Variants in ICA1L observed in about 807,000 individuals in gnomAD.
ICA1L encodes islet cell autoantigen 1 like, also known as islet cell autoantigen 1-like protein.
Under a neutral mutation model 61.3 loss-of-function variants are expected in ICA1L, and 50 were observed. The observed-to-expected ratio is 0.82, with a 90% CI of 0.65 to 1.03. The LOEUF is 1.03. ICA1L is among the 50% of genes least tolerant of loss of function. The pLI, the probability that ICA1L is intolerant of heterozygous loss-of-function variation, is 0.00. For missense variants in ICA1L, 508 were observed against 556.7 expected, an observed-to-expected ratio of 0.91 and a Z score of 0.88; for synonymous variants, 161 against 191.3, an observed-to-expected ratio of 0.84 and a Z score of 1.31.
At chr2:202,846,073 C>T (rs1039930449) in intron 1 of ICA1L, among the ~76,000 whole-genome samples, 2 of 152,060 alleles carry the variant, frequency 1.3e-5, no homozygotes, top group Admixed American at 6.6e-5. Context: ...TCAAAAATGT[C>T]GGCAATGGTT....
chr2:202,790,400 CTAT>C (rs139738276), intron 10 of ICA1L, among the ~76,000 whole-genome samples: 13,554 of 152,158 alleles, frequency 0.089, 730 homozygotes, highest in Non-Finnish European at 0.12. Flanking sequence ...AGAAAATCTA[CTAT>C]AATTTAGGAA....
intron 1 of ICA1L, chr2:202,840,579 A>G (rs925844227): frequency 1.1e-5 from 6 of 562,916 alleles, no homozygotes; most frequent in East Asian, 4.5e-5. Context: ...CCAGACTCCA[A>G]CTGGCTCTCC....
In ICA1L at chr2:202,841,490, G is replaced by C; in HGVS notation, c.-7-12474C>G. ...ATGGAGGAGGCAAATTTGTTGTTGA[G>C]GGTCCTTCTCCTGGGTGCACACGGC... On this transcript the variant is annotated intron_variant, in intron 1 of 12. Transcript: ENST00000358299. 3.8e-6 allele frequency: 3 copies of C among 782,756 alleles called. No homozygotes were observed. The African/African-American group carries it at 5.1e-5, about 13-fold the overall frequency. The allele number at this position is 782,756 out of a possible 1,614,324, so 48.5% of individuals were successfully genotyped here. A position where few individuals can be genotyped will look rare whatever the true frequency, so the allele number is the denominator to read the frequency against.
At position 202,777,513 on chromosome 2, in the gene ICA1L, G is replaced by A. The variant is rs1574315893; in HGVS notation, c.*2020C>T. 6.6e-6 allele frequency: 1 copy of A among 152,268 alleles called. No homozygotes were observed. Among genetic ancestry groups the A allele is most frequent in the South Asian group, 2.1e-4 (1 of 4,824 alleles). The allele number at this position is 152,268 out of a possible 1,614,324, so 9.4% of individuals were successfully genotyped here. ...GGAAATTTCACTGAGTATAAAGGAA[G>A]ACTTAAGTCTTCTGAAGAGATAAGT... On this transcript the variant is annotated 3_prime_UTR_variant, in exon 13 of 13. Transcript: ENST00000358299.
chr2:202,799,643 G>A (rs1238226415), intron 9 of ICA1L, among the ~76,000 whole-genome samples: 6 of 151,924 alleles, frequency 3.9e-5, no homozygotes, highest in East Asian at 1.9e-4. Context: ...TCTATTTTTG[G>A]TTTTGTTCTC....
chr2:202,776,385 T>A lies in ICA1L; in HGVS notation c.*3148A>T, dbSNP rs1167792063. 1 of 151,766 alleles carries A rather than the reference T, an allele frequency of 6.6e-6. No homozygotes were observed. Among genetic ancestry groups the A allele is most frequent in the Non-Finnish European group, 1.5e-5 (1 of 68,022 alleles). 9.4% of individuals were successfully genotyped at this position (151,766 alleles called of 1,614,324 possible). On this transcript the variant is annotated 3_prime_UTR_variant, in exon 13 of 13. Coordinates refer to ENST00000358299, the MANE Select transcript of ICA1L (RefSeq NM_001288622.3). Reference sequence around the variant, plus strand: ...TATAGATATTTCTCCCCATTTAACATAAAAAATATCTATTTTGAGGGTTGT... The same window carrying A: ...TATAGATATTTCTCCCCATTTAACAAAAAAAATATCTATTTTGAGGGTTGT...
chr2:202,822,817 C>T (rs1030961587), intron 3 of ICA1L, among the ~76,000 whole-genome samples: 1 of 152,174 alleles, frequency 6.6e-6, no homozygotes, highest in Non-Finnish European at 1.5e-5. Context: ...GCCATGCCTA[C>T]AAGGGTGACC....
intron 3 of ICA1L, chr2:202,825,481 A>T (rs1693817045): frequency 1.6e-6 from 2 of 1,276,872 alleles, no homozygotes; most frequent in Admixed American, 3.7e-5. Flanking sequence ...AAGAAAAAAA[A>T]TATCAGCAAA....
At chr2:202,780,758 C>T (rs1559124418) in intron 12 of ICA1L, among the ~76,000 whole-genome samples, 1 of 152,104 alleles carries the variant, frequency 6.6e-6, no homozygotes. Flanking sequence ...TCTGTGTGTC[C>T]AGTTCTGTTT....
In ICA1L at chr2:202,818,565, G is replaced by A. The variant is rs558959438; in HGVS notation, c.559-1022C>T. On this transcript the variant is annotated intron_variant, in intron 5 of 12. Coordinates refer to ENST00000358299, the MANE Select transcript of ICA1L (RefSeq NM_001288622.3). ...CAAATCTCATCTTGAATTCCCACATGTTATGGGAGGGACCCAGTGAGAGAT... is the reference window on the plus strand; with the variant it reads ...CAAATCTCATCTTGAATTCCCACATATTATGGGAGGGACCCAGTGAGAGAT... Among the ~76,000 whole-genome samples the A allele has an allele frequency of 3.9e-5, 6 of 152,214 alleles. No homozygotes were observed. In the East Asian group the frequency reaches 9.7e-4, roughly 24 times the overall value.
chr2:202,866,998 A>G (rs1687536283), intron 1 of ICA1L, among the ~76,000 whole-genome samples: 1 of 152,214 alleles, frequency 6.6e-6, no homozygotes, highest in South Asian at 2.1e-4. Flanking sequence ...CTTGGGGCAG[A>G]CAATGATTTC....
At chr2:202,821,319 T>C (rs372908494) in intron 4 of ICA1L, 39 bp downstream of exon 4, 18 of 1,596,354 alleles carry the variant, frequency 1.1e-5, no homozygotes, top group African/African-American at 9.4e-5. Flanking sequence ...AACTGTCAGA[T>C]TGACTACAGA....
intron 6 of ICA1L, 138 bp from the exon 7 acceptor site, chr2:202,816,147 T>C (rs1012259651): frequency 3.6e-6 from 2 of 550,142 alleles, no homozygotes; most frequent in African/African-American, 3.9e-5. Context: ...TTTCCAAGTT[T>C]AGGGAACCAT....
chr2:202,842,686 C>T lies in ICA1L; in HGVS notation c.-7-13670G>A, dbSNP rs1181727762. 2.6e-5 allele frequency among the ~76,000 whole-genome samples: 4 copies of T among 152,254 alleles called. No homozygotes were observed. In the East Asian group the frequency reaches 5.8e-4, roughly 22 times the overall value. On this transcript the variant is annotated intron_variant, in intron 1 of 12. Transcript: ENST00000358299. Reference sequence around the variant, plus strand: ...ACCTTCTCATACCTGGATATTTATACCTTTCCTCAGATTTGGAAATTTTTC... The same window carrying T: ...ACCTTCTCATACCTGGATATTTATATCTTTCCTCAGATTTGGAAATTTTTC...
intron 1 of ICA1L, among the ~76,000 whole-genome samples, chr2:202,869,970 C>A (rs941106296): frequency 6.6e-6 from 1 of 152,030 alleles, no homozygotes; most frequent in African/African-American, 2.4e-5. Context: ...AAATCTACTT[C>A]GAACGAGGAA....
intron 9 of ICA1L, among the ~76,000 whole-genome samples, chr2:202,803,131 G>C (rs908822775): frequency 2.0e-5 from 3 of 152,096 alleles, no homozygotes; most frequent in Non-Finnish European, 4.4e-5. Context: ...GTGAGGGCTA[G>C]GCATGGTGGC....
At chr2:202,850,756 A>T (rs1188174205) in intron 1 of ICA1L, among the ~76,000 whole-genome samples, 1 of 152,208 alleles carries the variant, frequency 6.6e-6, no homozygotes, top group African/African-American at 2.4e-5. Context: ...CTAGCAAGAA[A>T]GGTTGACATT....
In ICA1L at chr2:202,775,269, G is replaced by C. The variant is rs1692186948; in HGVS notation, c.*4264C>G. 6.6e-6 allele frequency: 1 copy of C among 152,136 alleles called. No homozygotes were observed. Among genetic ancestry groups the C allele is most frequent in the Non-Finnish European group, 1.5e-5 (1 of 68,022 alleles). The allele number at this position is 152,136 out of a possible 1,614,324, so 9.4% of individuals were successfully genotyped here. A position where few individuals can be genotyped will look rare whatever the true frequency, so the allele number is the denominator to read the frequency against. Reference sequence around the variant, plus strand: ...GGACTGCTTCATTGCTCAAGGTAGAGAAATGCAGGGCCCTGCCAACACTAT... The same window carrying C: ...GGACTGCTTCATTGCTCAAGGTAGACAAATGCAGGGCCCTGCCAACACTAT... On this transcript the variant is annotated 3_prime_UTR_variant, in exon 13 of 13. Coordinates refer to ENST00000358299, the MANE Select transcript of ICA1L (RefSeq NM_001288622.3).
chr2:202,849,109 TCA>T lies in ICA1L; in HGVS notation c.-7-20095_-7-20094del, dbSNP rs879863039. On this transcript the variant is annotated intron_variant, in intron 1 of 12. Transcript: ENST00000358299. The surrounding 1 kb of genome is among the most constrained non-coding windows in gnomAD (Gnocchi z 4.5). ...GTCTGGCCCAGATACTATGCTTTTCTCACAGTTTTTGCAATCCGCAGACCAGA... is the reference window on the plus strand; with the variant it reads ...GTCTGGCCCAGATACTATGCTTTTCTCAGTTTTTGCAATCCGCAGACCAGA... 6.6e-6 allele frequency among the ~76,000 whole-genome samples: 1 copy of T among 152,170 alleles called. No individual in the cohort carries two copies. The highest frequency in any genetic ancestry group is 6.5e-5 in the Admixed American group (1 of 15,274).
Sources: gnomAD v4.1 joint callset for allele counts (sites outside exome capture counted in the v4.1 genomes callset) on GRCh38, gnomAD v4.1.1 for gene constraint, Gnocchi (gnomAD v3.1) non-coding constraint, MANE v1.5 for transcripts, NCBI Gene and HGNC (gene_info 2026-07-23, HGNC 2026-07-21) for gene names.